THSD7A: variants seen among roughly 807,000 people sequenced by gnomAD.
THSD7A encodes the protein thrombospondin type 1 domain containing 7A.
Under a neutral mutation model 231.3 loss-of-function variants are expected in THSD7A, and 96 were observed. That is an observed-to-expected ratio of 0.41 (90% confidence interval 0.35 to 0.49). THSD7A has a LOEUF of 0.49. THSD7A is among the 20% of genes least tolerant of loss of function. The pLI, the probability that THSD7A is intolerant of heterozygous loss-of-function variation, is 0.05. For missense variants in THSD7A, 2,290 were observed against 2,070.2 expected (o/e 1.11, Z -2.06); for synonymous variants, 940 against 743.3 (o/e 1.26, Z -4.30).
chr7:11,456,630 AT>A lies in THSD7A; in HGVS notation c.2605+4031del, dbSNP rs879482248. Among the ~76,000 whole-genome samples the A allele has an allele frequency of 9.2e-5, 14 of 152,020 alleles. No homozygotes were observed. In the East Asian group the frequency reaches 9.7e-4, roughly 10 times the overall value. Reference sequence around the variant, plus strand: ...TTTGGGTTTAGATCAAGGGTCAGCAATTTTTTTCTGTAAAAGACTACATGGT... The same window carrying A: ...TTTGGGTTTAGATCAAGGGTCAGCAATTTTTTCTGTAAAAGACTACATGGT... On this transcript the variant is annotated intron_variant, in intron 11 of 27. Coordinates refer to ENST00000423059, the MANE Select transcript of THSD7A (RefSeq NM_015204.3).
rs751286452 is a variant in THSD7A, at chr7:11,424,847, C to A, written c.3250-18G>T. 7 of 1,612,104 alleles carry A rather than the reference C, an allele frequency of 4.3e-6. No individual in the cohort carries two copies. In the Admixed American group the frequency reaches 1.2e-4, roughly 27 times the overall value. ...TCATACACCTGAAACACACATGGTT[C>A]TCAGCAATCTCAGGGAATCTGGTAA... is the stretch of plus-strand genomic sequence containing the variant. On this transcript the variant is annotated intron_variant, in intron 15 of 27. Coordinates refer to ENST00000423059, the MANE Select transcript of THSD7A (RefSeq NM_015204.3).
At chr7:11,685,158 A>T (rs2128140279) in intron 1 of THSD7A, among the ~76,000 whole-genome samples, 1 of 152,060 alleles carries the variant, frequency 6.6e-6, no homozygotes, top group East Asian at 1.9e-4. Context: ...TGCTAGAAAA[A>T]CTGGCTAACT....
At chr7:11,802,703 T>G (rs1784309503) in intron 1 of THSD7A, among the ~76,000 whole-genome samples, 1 of 152,170 alleles carries the variant, frequency 6.6e-6, no homozygotes, top group Non-Finnish European at 1.5e-5. Context: ...TTTATAAAAT[T>G]CTGTGTCTAT....
At chr7:11,711,002 T>C (rs1780942173) in intron 1 of THSD7A, among the ~76,000 whole-genome samples, 1 of 150,990 alleles carries the variant, frequency 6.6e-6, no homozygotes. Context: ...AAATAATGTG[T>C]CTATTAAATA....
At chr7:11,421,989 A>G (rs1784160084) in intron 16 of THSD7A, among the ~76,000 whole-genome samples, 1 of 152,168 alleles carries the variant, frequency 6.6e-6, no homozygotes, top group Non-Finnish European at 1.5e-5. Flanking sequence ...TGTTTTCTCC[A>G]AATTCTTGGC....
Position 11,831,953 on chromosome 7 carries a change from T to G in THSD7A, c.-7A>C. ...GCCTGGCTTGCAGCCCCATGCCGCC[T>G]GCAGCCACTCCAGGGTCCAGAGCCG... On this transcript the variant is annotated 5_prime_UTR_variant, in exon 1 of 28. Coordinates refer to ENST00000423059, the MANE Select transcript of THSD7A (RefSeq NM_015204.3). This position sits in a 1 kb window ranked among gnomAD's most constrained non-coding sequence, Gnocchi z 5.0. 2 of 1,229,262 alleles carry G rather than the reference T, an allele frequency of 1.6e-6. No individual in the cohort carries two copies. Among genetic ancestry groups the G allele is most frequent in the Non-Finnish European group, 2.0e-6 (2 of 987,984 alleles). 76.1% of individuals were successfully genotyped at this position (1,229,262 alleles called of 1,614,324 possible).
At chr7:11,568,971 C>T (rs1384575515) in intron 4 of THSD7A, among the ~76,000 whole-genome samples, 2 of 131,626 alleles carry the variant, frequency 1.5e-5, no homozygotes, top group African/African-American at 3.0e-5. Context: ...AAAGCAATCC[C>T]GTTTACAATA....
chr7:11,472,503 G>T (rs1785977681), intron 8 of THSD7A, among the ~76,000 whole-genome samples: 1 of 152,098 alleles, frequency 6.6e-6, no homozygotes, highest in African/African-American at 2.4e-5. Flanking sequence ...CACAGTATTT[G>T]CTTGATTTTC....
At position 11,372,054 on chromosome 7, in the gene THSD7A, A is replaced by C. The variant is rs1474046721; in HGVS notation, c.*3740T>G. 6.6e-6 allele frequency: 1 copy of C among 152,168 alleles called. No homozygotes were observed. The highest frequency in any genetic ancestry group is 1.9e-4 in the East Asian group (1 of 5,132). The allele number at this position is 152,168 out of a possible 1,614,324, so 9.4% of individuals were successfully genotyped here. A position where few individuals can be genotyped will look rare whatever the true frequency, so the allele number is the denominator to read the frequency against. On this transcript the variant is annotated 3_prime_UTR_variant, in exon 28 of 28. Transcript: ENST00000423059. ...GTGAGAGGTCTATTCAATTTCTGTG[A>C]GAAGGAAGACGTGAATTTACCTTGA... is the stretch of plus-strand genomic sequence containing the variant.
chr7:11,417,468 T>A lies in THSD7A; in HGVS notation c.3519A>T (p.Pro1173=). ...ATCTCACCAAAACACATTGGGTCCA[T>A]GGACCCCATTCAGATATCACACAGT... The part of the protein sequence containing the change: ...PEDCVISEWG[P]WTQCVLPCNQ... Residue 1173 remains proline, a synonymous_variant, in exon 17 of 28, where the codon CCA becomes CCT. Transcript: ENST00000423059. 1 of 1,605,286 alleles carries A rather than the reference T, an allele frequency of 6.2e-7. No homozygotes were observed. The highest frequency in any genetic ancestry group is 8.5e-7 in the Non-Finnish European group (1 of 1,177,644).
At chr7:11,611,536 A>G (rs1780920513) in intron 2 of THSD7A, among the ~76,000 whole-genome samples, 1 of 151,910 alleles carries the variant, frequency 6.6e-6, no homozygotes, top group South Asian at 2.1e-4. Flanking sequence ...TGTTAATATT[A>G]ATAATACCTA....
intron 16 of THSD7A, among the ~76,000 whole-genome samples, chr7:11,420,650 G>C (rs1784113290): frequency 6.6e-6 from 1 of 152,218 alleles, no homozygotes; most frequent in African/African-American, 2.4e-5. Context: ...CTGTCTAGTG[G>C]AGCTGTGGAA....
intron 2 of THSD7A, among the ~76,000 whole-genome samples, chr7:11,624,832 A>C (rs370677970): frequency 5.3e-5 from 8 of 152,264 alleles, no homozygotes; most frequent in African/African-American, 1.9e-4. Flanking sequence ...CATCAAAGTT[A>C]GGGATAAGGC....
At chr7:11,815,095 G>T (rs76414451) in intron 1 of THSD7A, among the ~76,000 whole-genome samples, 1 of 142,022 alleles carries the variant, frequency 7.0e-6, no homozygotes, top group East Asian at 2.1e-4. Context: ...AAAAAAAAAA[G>T]AATCTTTTAA....
chr7:11,386,986 GTTTT>G (rs1457072136), intron 23 of THSD7A, among the ~76,000 whole-genome samples: 1 of 152,026 alleles, frequency 6.6e-6, no homozygotes, highest in Non-Finnish European at 1.5e-5. Context: ...CCCATTGATT[GTTTT>G]TGTCAGGTTT....
chr7:11,822,114 A>G (rs1311805138), intron 1 of THSD7A, among the ~76,000 whole-genome samples: 2 of 152,140 alleles, frequency 1.3e-5, no homozygotes, highest in Admixed American at 6.5e-5. Context: ...TTGCATAGTG[A>G]TCAAGTTAGG....
chr7:11,404,914 C>T lies in THSD7A; in HGVS notation c.4237+1386G>A, dbSNP rs564387565. 2.0e-5 allele frequency among the ~76,000 whole-genome samples: 3 copies of T among 152,142 alleles called. No homozygotes were observed. In the South Asian group the frequency reaches 6.2e-4, roughly 32 times the overall value. On this transcript the variant is annotated intron_variant, in intron 22 of 27. Coordinates refer to ENST00000423059, the MANE Select transcript of THSD7A (RefSeq NM_015204.3). ...ACTTATTCACCTTGCATAGCTGAAC[C>T]TTTACACTCATTGAGAAGGAGCTGC...
At chr7:11,432,635 T>C (rs1784513443) in intron 13 of THSD7A, among the ~76,000 whole-genome samples, 1 of 152,124 alleles carries the variant, frequency 6.6e-6, no homozygotes, top group South Asian at 2.1e-4. Context: ...TTGGTGCATA[T>C]TGCTGAATAT....
intron 19 of THSD7A, chr7:11,410,413 T>A (rs1014493303): frequency 6.6e-6 from 1 of 152,212 alleles, no homozygotes; most frequent in Non-Finnish European, 1.5e-5. Flanking sequence ...TAAACTCTAA[T>A]GAGGTTACAA....
Sources: allele counts gnomAD v4.1 joint callset (sites outside exome capture counted in the v4.1 genomes callset), GRCh38; gene constraint gnomAD v4.1.1; non-coding constraint Gnocchi (gnomAD v3.1); transcripts MANE v1.5; gene names NCBI Gene and HGNC (gene_info 2026-07-23, HGNC 2026-07-21).